Variants in TESMIN observed in about 807,000 individuals in gnomAD.
The protein encoded by TESMIN is CXC domain containing 2.
TESMIN carries 34 observed loss-of-function variants against 47.4 expected under a neutral mutation model. The observed-to-expected ratio is 0.72, with a 90% CI of 0.55 to 0.96. The LOEUF (loss-of-function observed/expected upper bound fraction) is 0.96, where lower values mean the gene tolerates loss of function less well. Ranked by LOEUF, TESMIN falls within the 40% of genes least tolerant of loss-of-function variation. TESMIN has a pLI of 0.00. For synonymous variants in TESMIN, 278 were observed against 258.9 expected (o/e 1.07, Z -0.71); for missense variants, 610 against 637.2 (o/e 0.96, Z 0.46).
chr11:68,730,491 A>T (rs1332872156), intron 6 of TESMIN, among the ~76,000 whole-genome samples: 1 of 152,244 alleles, frequency 6.6e-6, no homozygotes, highest in African/African-American at 2.4e-5. Context: ...GGAAAGGTAG[A>T]TGTTAATTAC....
At chr11:68,733,942 C>T (rs1216697371) in intron 6 of TESMIN, among the ~76,000 whole-genome samples, 3 of 152,114 alleles carry the variant, frequency 2.0e-5, no homozygotes, top group African/African-American at 4.8e-5. Context: ...AGTGTGCATG[C>T]GGAGCAGGGT....
At chr11:68,749,218 C>T (rs2153993507) in intron 2 of TESMIN, among the ~76,000 whole-genome samples, 1 of 152,362 alleles carries the variant, frequency 6.6e-6, no homozygotes, top group East Asian at 1.9e-4. Context: ...TATGGCTCCT[C>T]TGAGGACAAA....
chr11:68,714,662 G>A (rs1188830327), intron 7 of TESMIN, among the ~76,000 whole-genome samples: 1 of 152,150 alleles, frequency 6.6e-6, no homozygotes, highest in East Asian at 1.9e-4. Flanking sequence ...ATTCTACCAC[G>A]GATGGACATT....
intron 6 of TESMIN, among the ~76,000 whole-genome samples, chr11:68,719,497 C>T (rs1363054678): frequency 6.6e-6 from 1 of 152,190 alleles, no homozygotes; most frequent in South Asian, 2.1e-4. Context: ...ACATTTCCCA[C>T]AGTACAAAAA....
In TESMIN at chr11:68,734,186, T is replaced by A. The variant is rs143264970; in HGVS notation, c.917+4514A>T. Among the ~76,000 whole-genome samples, 24 of 152,332 alleles carry A rather than the reference T, an allele frequency of 1.6e-4. No individual in the cohort carries two copies. In the East Asian group the frequency reaches 3.9e-3, roughly 24 times the overall value. On this transcript the variant is annotated intron_variant, in intron 6 of 9. Coordinates refer to ENST00000255087, the MANE Select transcript of TESMIN (RefSeq NM_004923.3). ...ATATTACTAACAATATCAAAGCATGTTAGTAATCACTTAAGTGTGCCATGT... is the reference window on the plus strand; with the variant it reads ...ATATTACTAACAATATCAAAGCATGATAGTAATCACTTAAGTGTGCCATGT...
intron 6 of TESMIN, among the ~76,000 whole-genome samples, chr11:68,717,749 G>A (rs1237562241): frequency 6.6e-6 from 1 of 152,166 alleles, no homozygotes; most frequent in Non-Finnish European, 1.5e-5. Flanking sequence ...ATTCTCTGCA[G>A]GAAGGCATGA....
intron 7 of TESMIN, among the ~76,000 whole-genome samples, chr11:68,715,456 C>T (rs905728887): frequency 3.0e-4 from 45 of 152,206 alleles, no homozygotes; most frequent in African/African-American, 1.1e-3. Context: ...CCCTAGCCTT[C>T]TCACGCAGTG....
At chr11:68,723,680 A>G (rs1946228659) in intron 6 of TESMIN, among the ~76,000 whole-genome samples, 1 of 152,148 alleles carries the variant, frequency 6.6e-6, no homozygotes, top group East Asian at 1.9e-4. Flanking sequence ...TGATCGAGAA[A>G]GTCTAGAAAA....
At chr11:68,746,895 G>A (rs1258222611) in intron 3 of TESMIN, among the ~76,000 whole-genome samples, 2 of 152,186 alleles carry the variant, frequency 1.3e-5, no homozygotes, top group Non-Finnish European at 2.9e-5. Flanking sequence ...ACACCAATAT[G>A]CCAAACCATG....
chr11:68,726,500 T>A (rs1363537611), intron 6 of TESMIN, among the ~76,000 whole-genome samples: 1 of 152,074 alleles, frequency 6.6e-6, no homozygotes, highest in African/African-American at 2.4e-5. Context: ...TATGTGAGGT[T>A]CCAAGCCATA....
intron 6 of TESMIN, among the ~76,000 whole-genome samples, chr11:68,728,294 C>G (rs956112305): frequency 6.6e-6 from 1 of 152,178 alleles, no homozygotes; most frequent in African/African-American, 2.4e-5. Context: ...ATGAAGCAAG[C>G]CTGAGAGGTC....
At chr11:68,714,291 C>T (rs777338216) in intron 7 of TESMIN, among the ~76,000 whole-genome samples, 1 of 152,226 alleles carries the variant, frequency 6.6e-6, no homozygotes, top group Non-Finnish European at 1.5e-5. Flanking sequence ...GGCATTTTCA[C>T]GGATCACTGA....
intron 6 of TESMIN, 62 bp downstream of exon 6, chr11:68,738,638 C>T (rs761219682): frequency 2.6e-5 from 42 of 1,599,400 alleles, no homozygotes; most frequent in South Asian, 5.6e-5. Context: ...AAATCGTGAA[C>T]GTATCCAAGA....
intron 5 of TESMIN, among the ~76,000 whole-genome samples, chr11:68,741,439 T>C (rs960533013): frequency 1.7e-4 from 26 of 152,218 alleles, no homozygotes; most frequent in African/African-American, 6.0e-4. Context: ...ACTAGGCTTT[T>C]TCCCCATCAA....
chr11:68,740,293 T>C (rs1373388870), intron 5 of TESMIN, among the ~76,000 whole-genome samples: 1 of 152,096 alleles, frequency 6.6e-6, no homozygotes, highest in Non-Finnish European at 1.5e-5. Flanking sequence ...CCAAAGAATA[T>C]ACAGAACTGG....
rs1324550019 is a variant in TESMIN at position 68,751,421 on chromosome 11, T to TGGGGCCGCC, written c.-50_-42dup. ...TCATTCCTCCTCGGAGGGACGCACC[T>TGGGGCCGCC]GGGGCCGCCGGGGCTGCCGCAGCGT... On this transcript the variant is annotated splice_region_variant and 5_prime_UTR_variant, in exon 1 of 10. Transcript: ENST00000255087. 1.3e-5 allele frequency: 2 copies of TGGGGCCGCC among 150,472 alleles called. No individual in the cohort carries two copies. The highest frequency in any genetic ancestry group is 3.0e-5 in the Non-Finnish European group (2 of 67,796). The allele number at this position is 150,472 out of a possible 1,614,324, so 9.3% of individuals were successfully genotyped here. A position where few individuals can be genotyped will look rare whatever the true frequency, so the allele number is the denominator to read the frequency against.
chr11:68,740,691 A>G (rs1946445861), intron 5 of TESMIN, among the ~76,000 whole-genome samples: 1 of 152,192 alleles, frequency 6.6e-6, no homozygotes, highest in South Asian at 2.1e-4. Flanking sequence ...CCAATGTATC[A>G]CTTGAGAAGT....
chr11:68,750,314 T>G lies in TESMIN; in HGVS notation c.347A>C (p.Gln116Pro). 6.6e-7 allele frequency: 1 copy of G among 1,517,560 alleles called. No homozygotes were observed. 94.0% of individuals were successfully genotyped at this position (1,517,560 alleles called of 1,614,324 possible). The change falls in exon 2 of 10, where the codon CAG becomes CCG. Residue 116 changes from glutamine to proline, a missense_variant. Physicochemically the swap from Gln to Pro is moderately conservative, Grantham distance 76 (BLOSUM62 -1). Transcript: ENST00000255087. ...LEDVALLQAP[Q>P]PPACNVHFLS... ...GAAGTGCACGTTGCAGGCGGGCGGC[T>G]GCGGGGCCTGCAGGAGCGCGACGTC...
chr11:68,747,260 T>C lies in TESMIN; in HGVS notation c.578A>G (p.Gln193Arg). Residue 193 changes from glutamine to arginine, a missense_variant, in exon 3 of 10, where the codon CAG (glutamine) becomes CGG (arginine). Transcript: ENST00000255087. ...QESCCKFPSS[Q>R]ELEDASCCSL... ...ACAGCAGGAGGCATCCTCTAGTTCC[T>C]GGGACGATGGGAACTTGCAACAGGA... is the stretch of plus-strand genomic sequence containing the variant. The C allele has an allele frequency of 6.2e-7, 1 of 1,614,136 alleles. No individual in the cohort carries two copies. Among genetic ancestry groups the C allele is most frequent in the Non-Finnish European group, 8.5e-7 (1 of 1,179,948 alleles).
Sources: gnomAD v4.1 joint callset for allele counts (sites outside exome capture counted in the v4.1 genomes callset) on GRCh38, gnomAD v4.1.1 for gene constraint, MANE v1.5 for transcripts, NCBI Gene and HGNC (gene_info 2026-07-23, HGNC 2026-07-21) for gene names.